TTYH3: variants seen among roughly 807,000 people sequenced by gnomAD.
TTYH3 encodes tweety family member 3, also known as protein tweety homolog 3.
A neutral mutation model predicts 68.2 loss-of-function variants in TTYH3; 23 were observed. The ratio of observed to expected loss-of-function variants is 0.34; its 90% CI spans 0.24 to 0.48. The LOEUF is 0.48. TTYH3 is among the 20% of genes least tolerant of loss of function. TTYH3 has a pLI of 0.99. For synonymous variants in TTYH3, 360 were observed against 332.8 expected, an observed-to-expected ratio of 1.08 and a Z score of -0.89; for missense variants, 768 against 727.7, an observed-to-expected ratio of 1.06 and a Z score of -0.64.
chr7:2,651,674 C>G (rs969078320), intron 7 of TTYH3, among the ~76,000 whole-genome samples: 3 of 152,264 alleles, frequency 2.0e-5, no homozygotes, highest in Non-Finnish European at 2.9e-5. Flanking sequence ...ACTGCACAGG[C>G]GGCCACAGTG....
intron 13 of TTYH3, chr7:2,660,126 G>A (rs1478746379): frequency 9.0e-6 from 11 of 1,227,528 alleles, no homozygotes; most frequent in South Asian, 8.6e-5. Context: ...CCCTCCCGTC[G>A]GCACTGAGCT....
chr7:2,636,505 A>G (rs1001894205), intron 1 of TTYH3, among the ~76,000 whole-genome samples: 3 of 152,180 alleles, frequency 2.0e-5, no homozygotes, highest in East Asian at 3.8e-4. Context: ...CCACGGTGCC[A>G]GGCAGGATTC....
Position 2,661,856 on chromosome 7 carries a change from C to A in TTYH3, c.*117C>A. The A allele has an allele frequency of 8.6e-7, 1 of 1,165,876 alleles. No individual in the cohort carries two copies. The highest frequency in any genetic ancestry group is 1.2e-6 in the Non-Finnish European group (1 of 816,896). The allele number at this position is 1,165,876 out of a possible 1,614,324, so 72.2% of individuals were successfully genotyped here. A position where few individuals can be genotyped will look rare whatever the true frequency, so the allele number is the denominator to read the frequency against. On this transcript the variant is annotated 3_prime_UTR_variant, in exon 14 of 14. Transcript: ENST00000258796. ...CACGCCGTGCCAGGCCTGCCCCAGA[C>A]GCGTCTGCAGGCCGCTTGCCCTCCT...
At chr7:2,640,403 T>TGTG (rs1554328390) in intron 1 of TTYH3, among the ~76,000 whole-genome samples, 31 of 151,326 alleles carry the variant, frequency 2.0e-4, no homozygotes, top group Non-Finnish European at 3.1e-4. Context: ...TGTGTGTGTG[T>TGTG]GGGGGGGGAC....
chr7:2,637,321 G>T (rs1026089793), intron 1 of TTYH3, among the ~76,000 whole-genome samples: 3 of 152,164 alleles, frequency 2.0e-5, no homozygotes, highest in African/African-American at 7.2e-5. Context: ...TGGTTCCCCA[G>T]GCCACGGCGG....
intron 11 of TTYH3, among the ~76,000 whole-genome samples, chr7:2,657,021 G>A (rs12670817): frequency 0.26 from 39,616 of 152,138 alleles, 5,674 homozygotes; most frequent in African/African-American, 0.36. Flanking sequence ...ATAGAAGCCA[G>A]CTCCCCTGGA....
rs1205948866 is a variant in TTYH3 at position 2,647,499 on chromosome 7, G to A, written c.487G>A (p.Glu163Lys). The part of the protein sequence containing the change: ...TLERQLAGRP[E>K]PLRAVQRLQG... ...GGAGCGGCAGCTGGCCGGGCGGCCC[G>A]AGCCCCTGCGAGCCGTACAGAGGCT... Residue 163 changes from glutamate (E) to lysine (K), a missense_variant, in exon 4 of 14, where the codon GAG becomes AAG. By Grantham distance (56) the Glu-to-Lys change is moderately conservative. Coordinates refer to ENST00000258796, the MANE Select transcript of TTYH3 (RefSeq NM_025250.3). 3 of 1,539,856 alleles carry A rather than the reference G, an allele frequency of 1.9e-6. No homozygotes were observed. Among genetic ancestry groups the A allele is most frequent in the Non-Finnish European group, 2.6e-6 (3 of 1,145,308 alleles).
At position 2,647,527 on chromosome 7, in the gene TTYH3, A is replaced by C; in HGVS notation, c.515A>C (p.Gln172Pro). The C allele has an allele frequency of 1.3e-6, 2 of 1,549,834 alleles. No homozygotes were observed. The highest frequency in any genetic ancestry group is 1.7e-6 in the Non-Finnish European group (2 of 1,148,500). Residue 172 changes from glutamine to proline, a missense_variant, in exon 4 of 14, where the codon CAG becomes CCG. Coordinates refer to ENST00000258796, the MANE Select transcript of TTYH3 (RefSeq NM_025250.3). ...CCCCTGCGAGCCGTACAGAGGCTGC[A>C]GGGCCTGCTGGAGACGCTGCTGGGC... ...PEPLRAVQRL[Q>P]GLLETLLGYT...
chr7:2,632,608 C>A (rs1432651486), intron 1 of TTYH3, among the ~76,000 whole-genome samples: 4 of 152,232 alleles, frequency 2.6e-5, no homozygotes, highest in Non-Finnish European at 5.9e-5. Flanking sequence ...TGCCTCTCCC[C>A]ACTCCGTGAG....
intron 13 of TTYH3, among the ~76,000 whole-genome samples, chr7:2,660,994 A>G (rs565373650): frequency 6.6e-6 from 1 of 152,312 alleles, no homozygotes; most frequent in Non-Finnish European, 1.5e-5. Flanking sequence ...CTGCAGAGCC[A>G]GGCACAGGAC....
intron 1 of TTYH3, among the ~76,000 whole-genome samples, chr7:2,634,186 G>A (rs771689739): frequency 2.0e-5 from 3 of 152,232 alleles, no homozygotes; most frequent in Non-Finnish European, 4.4e-5. Context: ...GGCTCTTGGC[G>A]AGGGGCTGTG....
At position 2,646,984 on chromosome 7, in the gene TTYH3, C is replaced by T. The variant is rs749322042; in HGVS notation, c.255C>T (p.Cys85=). ...SEEHLDADCC[C]TAWCVIIATL... is the part of the protein sequence containing the mutation. ...AGCACCTGGACGCCGACTGCTGCTG[C>T]ACGGCCTGGTGTGTCATCATCGCCA... The change falls in exon 2 of 14, where the codon TGC becomes TGT. Residue 85 remains cysteine, a synonymous_variant. Coordinates refer to ENST00000258796, the MANE Select transcript of TTYH3 (RefSeq NM_025250.3). 3.8e-6 allele frequency: 6 copies of T among 1,590,984 alleles called. No individual in the cohort carries two copies. Among genetic ancestry groups the T allele is most frequent in the Admixed American group, 3.5e-5 (2 of 57,846 alleles).
intron 9 of TTYH3, among the ~76,000 whole-genome samples, chr7:2,653,728 T>G (rs918660728): frequency 5.9e-5 from 9 of 152,202 alleles, no homozygotes; most frequent in Admixed American, 4.6e-4. Flanking sequence ...CTGGGCGTGG[T>G]GGTACACGCC....
intron 3 of TTYH3, 54 bp downstream of exon 3, chr7:2,647,307 C>A: frequency 5.9e-6 from 9 of 1,530,446 alleles, no homozygotes; most frequent in Non-Finnish European, 7.0e-6. Context: ...CGGAGCCCCA[C>A]GTCTGCGCGA....
chr7:2,640,403 T>TGG (rs34780806), intron 1 of TTYH3, among the ~76,000 whole-genome samples: 38 of 151,324 alleles, frequency 2.5e-4, no homozygotes, highest in East Asian at 2.0e-3. Context: ...TGTGTGTGTG[T>TGG]GGGGGGGGAC....
rs1016012857 is a variant in TTYH3 at position 2,649,685 on chromosome 7, C to G, written c.795+46C>G. On this transcript the variant is annotated intron_variant, in intron 6 of 13. Coordinates refer to ENST00000258796, the MANE Select transcript of TTYH3 (RefSeq NM_025250.3). ...GGTCCCCGGCTGCTGGACCTGGGCACTGGGGGAGGGACGAGGGGAAGCCAC... is the reference window on the plus strand; with the variant it reads ...GGTCCCCGGCTGCTGGACCTGGGCAGTGGGGGAGGGACGAGGGGAAGCCAC... The G allele has an allele frequency of 1.9e-6, 3 of 1,569,062 alleles. No individual in the cohort carries two copies. In the African/African-American group the frequency reaches 4.0e-5, roughly 21 times the overall value.
intron 13 of TTYH3, chr7:2,660,100 C>G: frequency 7.9e-7 from 1 of 1,261,772 alleles, no homozygotes; most frequent in Non-Finnish European, 1.0e-6. Context: ...CCGCCTCCAC[C>G]CTGCACTCAC....
chr7:2,634,950 T>G (rs1359067540), intron 1 of TTYH3, among the ~76,000 whole-genome samples: 1 of 150,872 alleles, frequency 6.6e-6, no homozygotes, highest in South Asian at 2.1e-4. Context: ...GGTGTGACCG[T>G]GGGATTAGAA....
In TTYH3 at chr7:2,649,776, C is replaced by T; in HGVS notation, c.795+137C>T. 2.8e-6 allele frequency: 4 copies of T among 1,415,190 alleles called. No individual in the cohort carries two copies. In the South Asian group the frequency reaches 3.6e-5, roughly 13 times the overall value. 87.7% of individuals were successfully genotyped at this position (1,415,190 alleles called of 1,614,324 possible). On this transcript the variant is annotated intron_variant, in intron 6 of 13. Coordinates refer to ENST00000258796, the MANE Select transcript of TTYH3 (RefSeq NM_025250.3). ...GAGCGGTGGGGACCCACCATGGGCACAGTCCACCTGTAACCCCAGATTCAC... is the reference window on the plus strand; with the variant it reads ...GAGCGGTGGGGACCCACCATGGGCATAGTCCACCTGTAACCCCAGATTCAC...
Sources: gnomAD v4.1 joint callset for allele counts (sites outside exome capture counted in the v4.1 genomes callset) on GRCh38, gnomAD v4.1.1 for gene constraint, MANE v1.5 for transcripts, NCBI Gene and HGNC (gene_info 2026-07-23, HGNC 2026-07-21) for gene names.